Variants in TRPM4 observed in about 807,000 individuals in gnomAD.
TRPM4 encodes the protein calcium-activated non-selective cation channel 1.
TRPM4 carries 124 observed loss-of-function variants against 135.6 expected under a neutral mutation model. That is an observed-to-expected ratio of 0.91 (90% CI 0.79 to 1.06). TRPM4 has a LOEUF of 1.06. TRPM4 is among the 50% of genes least tolerant of loss of function. TRPM4 has a pLI of 0.00. For missense variants in TRPM4, 1,658 were observed against 1,671.4 expected, an observed-to-expected ratio of 0.99 and a Z score of 0.14; for synonymous variants, 745 against 705.6, an observed-to-expected ratio of 1.06 and a Z score of -0.88.
At chr19:49,190,644 TC>T in intron 15 of TRPM4, 51 bp from the exon 16 acceptor site, 15 of 1,579,036 alleles carry the variant, frequency 9.5e-6, no homozygotes, top group Non-Finnish European at 1.3e-5. Context: ...GGAGAATGCC[TC>T]TCCACCTTCT....
Position 49,211,327 on chromosome 19 carries a change from T to C in TRPM4, c.3640+58T>C. 1 of 1,583,264 alleles carries C rather than the reference T, an allele frequency of 6.3e-7. No individual in the cohort carries two copies. The highest frequency in any genetic ancestry group is 8.6e-7 in the Non-Finnish European group (1 of 1,160,688). ...GCCTCTGTTCCTGTATTTTTGCGTG[T>C]TTTTCTCTCTCGGCACCTTTCCAGT... On this transcript the variant is annotated intron_variant, in intron 24 of 24. Transcript: ENST00000252826. This position sits in a 1 kb window ranked among gnomAD's most constrained non-coding sequence, Gnocchi z 4.8.
Position 49,196,458 on chromosome 19 carries a change from G to T in TRPM4, c.2229G>T (p.Glu743Asp). ...CCCACAGGACGGCGGACCCAGCCGA[G>T]AAGACGCCGCTGGGGGTCCCGCGCC... The part of the protein sequence containing the change: ...EGPVGTADPA[E>D]KTPLGVPRQS... Residue 743 changes from glutamate (E) to aspartate (D), a missense_variant, in exon 17 of 25, where the codon GAG becomes GAT. Physicochemically the swap from Glu to Asp is conservative, Grantham distance 45. This residue lies in a region of TRPM4 where 1,412 missense variants were observed against 1,408.7 expected (regional missense o/e 1.00). Transcript: ENST00000252826. The T allele has an allele frequency of 6.5e-7, 1 of 1,548,180 alleles. No individual in the cohort carries two copies. Among genetic ancestry groups the T allele is most frequent in the Non-Finnish European group, 8.7e-7 (1 of 1,150,460 alleles).
rs549354276 is a variant in TRPM4, at chr19:49,204,735, A to C, written c.3131+2594A>C. On this transcript the variant is annotated intron_variant, in intron 20 of 24. Transcript: ENST00000252826. Reference sequence around the variant, plus strand: ...TTTTTTACTTTTATTTTATTTATTTATTTTTAGTAGAAACGGGGTTTCACC... The same window carrying C: ...TTTTTTACTTTTATTTTATTTATTTCTTTTTAGTAGAAACGGGGTTTCACC... Among the ~76,000 whole-genome samples the C allele has an allele frequency of 1.8e-3, 270 of 149,752 alleles. 1 individual carries two copies. The highest frequency in any genetic ancestry group is 6.4e-3 in the African/African-American group (261 of 40,578).
intron 16 of TRPM4, among the ~76,000 whole-genome samples, chr19:49,191,507 G>A (rs1232804398): frequency 6.6e-6 from 1 of 151,260 alleles, no homozygotes; most frequent in African/African-American, 2.4e-5. Context: ...GGCCCAGCCA[G>A]GGATTACATT....
chr19:49,162,549 AAAAC>A (rs898139411), intron 2 of TRPM4, among the ~76,000 whole-genome samples: 6 of 151,728 alleles, frequency 4.0e-5, no homozygotes, highest in South Asian at 2.1e-4. Flanking sequence ...AAAACAAAAC[AAAAC>A]AAACAAACAA....
intron 17 of TRPM4, 114 bp downstream of exon 17, chr19:49,196,988 C>A: frequency 9.5e-7 from 1 of 1,048,782 alleles, no homozygotes; most frequent in Non-Finnish European, 1.3e-6. Flanking sequence ...GTCAAGCCAA[C>A]CCTGCTGATT....
chr19:49,183,241 C>T (rs2122942526), intron 12 of TRPM4, 29 bp downstream of exon 12: 2 of 1,613,770 alleles, frequency 1.2e-6, no homozygotes, highest in East Asian at 4.5e-5. Context: ...CTCCTGCATC[C>T]CTGTCCTTTA....
rs147854826 is a variant in TRPM4 at position 49,200,328 on chromosome 19, C to T, written c.2674C>T (p.Arg892Cys). ...GACCCCGGGTTTGTACCACCTGGGC[C>T]GCACTGTCCTCTGCATCGACTTCAT... ...RLTPGLYHLGRTVLCIDFMVF... is the reference protein window; with the variant it reads ...RLTPGLYHLGCTVLCIDFMVF... The change falls in exon 18 of 25, where the codon CGC becomes TGC. Residue 892 changes from arginine (R) to cysteine (C), a missense_variant. By Grantham distance (180) the Arg-to-Cys change is radical. Transcript: ENST00000252826. The T allele has an allele frequency of 8.6e-4, 1,386 of 1,613,968 alleles. 1 individual carries two copies. The highest frequency in any genetic ancestry group is 9.4e-4 in the Non-Finnish European group (1,110 of 1,180,036).
intron 16 of TRPM4, among the ~76,000 whole-genome samples, chr19:49,193,281 C>G (rs1968482952): frequency 6.6e-6 from 1 of 151,964 alleles, no homozygotes; most frequent in South Asian, 2.1e-4. Context: ...TGGGGTTTCC[C>G]CGTGTTAGCC....
At chr19:49,197,308 T>TTTTCTTTC (rs78342507) in intron 17 of TRPM4, among the ~76,000 whole-genome samples, 2,365 of 122,182 alleles carry the variant, frequency 0.019, 31 homozygotes, top group East Asian at 0.038. Context: ...CTTTCTTTCT[T>TTTTCTTTC]TTTCTTTCTT....
rs528006374 is a variant in TRPM4, at chr19:49,162,430, T to A, written c.93-3611T>A. Among the ~76,000 whole-genome samples, 22 of 152,094 alleles carry A rather than the reference T, an allele frequency of 1.4e-4. No individual in the cohort carries two copies. In the East Asian group the frequency reaches 4.3e-3, roughly 29 times the overall value. On this transcript the variant is annotated intron_variant, in intron 2 of 24. Transcript: ENST00000252826. ...GGCACATGCCTGTAATCCCAGCTACTCAGGATGCTGAGGCACGAGAGTCGC... is the reference window on the plus strand; with the variant it reads ...GGCACATGCCTGTAATCCCAGCTACACAGGATGCTGAGGCACGAGAGTCGC...
Position 49,171,505 on chromosome 19 carries a change from G to A in TRPM4, c.859-73G>A. 1.9e-6 allele frequency: 3 copies of A among 1,611,600 alleles called. No homozygotes were observed. The highest frequency in any genetic ancestry group is 2.2e-5 in the South Asian group (2 of 91,018). On this transcript the variant is annotated intron_variant, in intron 7 of 24. Transcript: ENST00000252826. The surrounding 1 kb of genome is among the most constrained non-coding windows in gnomAD (Gnocchi z 4.7). ...GTCCTGAGTCTTAGGGAGGGTCTGG[G>A]GGTCTGACTCCGGGTAGGGTGAATA...
chr19:49,204,007 C>A (rs12976461), intron 20 of TRPM4, among the ~76,000 whole-genome samples: 1 of 152,148 alleles, frequency 6.6e-6, no homozygotes, highest in Non-Finnish European at 1.5e-5. Flanking sequence ...GTAATTCCAG[C>A]TACTTGGGAG....
intron 9 of TRPM4, among the ~76,000 whole-genome samples, chr19:49,175,523 G>A (rs547028642): frequency 5.3e-5 from 8 of 151,086 alleles, no homozygotes; most frequent in African/African-American, 1.9e-4. Flanking sequence ...AGAATTTTAC[G>A]GGGGAAATAC....
chr19:49,179,087 G>T (rs754421323), intron 9 of TRPM4, among the ~76,000 whole-genome samples: 1 of 149,750 alleles, frequency 6.7e-6, no homozygotes, highest in Admixed American at 6.7e-5. Flanking sequence ...ACAGAGTTTC[G>T]CTCTGTTGCC....
At chr19:49,159,037 T>G (rs1040239690) in intron 2 of TRPM4, 8 of 143,036 alleles carry the variant, frequency 5.6e-5, no homozygotes, top group East Asian at 2.0e-4. Context: ...TTTTTTTTTT[T>G]TTTTTTTTTT....
intron 17 of TRPM4, among the ~76,000 whole-genome samples, chr19:49,197,346 TTCTTTC>T (rs1157144216): frequency 7.9e-6 from 1 of 125,790 alleles, no homozygotes; most frequent in Non-Finnish European, 1.6e-5. Context: ...CTTTCTTTCT[TTCTTTC>T]TTTCTTTCTT....
rs1968041921 is a variant in TRPM4 at position 49,182,870 on chromosome 19, A to T, written c.1556A>T (p.Tyr519Phe). The T allele has an allele frequency of 6.2e-7, 1 of 1,607,908 alleles. No individual in the cohort carries two copies. The part of the protein sequence containing the change: ...MLLGKMCAPR[Y>F]PSGGAWDPHP... ...CTGGGGAAGATGTGCGCGCCGAGGTACCCCTCCGGGGGCGCCTGGGACCCT... is the reference window on the plus strand; with the variant it reads ...CTGGGGAAGATGTGCGCGCCGAGGTTCCCCTCCGGGGGCGCCTGGGACCCT... The change falls in exon 11 of 25, where the codon TAC (tyrosine) becomes TTC (phenylalanine). Residue 519 changes from tyrosine to phenylalanine, a missense_variant. Tyr to Phe is a conservative substitution (Grantham distance 22). Coordinates refer to ENST00000252826, the MANE Select transcript of TRPM4 (RefSeq NM_017636.4).
At chr19:49,202,704 A>AT (rs1466330043) in intron 20 of TRPM4, among the ~76,000 whole-genome samples, 2 of 151,426 alleles carry the variant, frequency 1.3e-5, no homozygotes, top group Non-Finnish European at 2.9e-5. Context: ...TACCCAGTTA[A>AT]TTTTTTGTAT....
Sources: gnomAD v4.1 joint callset for allele counts (sites outside exome capture counted in the v4.1 genomes callset) on GRCh38, gnomAD v4.1.1 for gene constraint, gnomAD v4.1.1 regional missense constraint, Gnocchi (gnomAD v3.1) non-coding constraint, MANE v1.5 for transcripts, NCBI Gene and HGNC (gene_info 2026-07-23, HGNC 2026-07-21) for gene names.